The following CCSER1 variants were observed in gnomAD, a reference collection of about 807,000 sequenced individuals.
CCSER1 encodes the protein serine-rich coiled-coil domain-containing protein 1.
CCSER1 carries 41 observed loss-of-function variants against 82.0 expected under a neutral mutation model. The observed-to-expected ratio is 0.50, with a 90% CI of 0.39 to 0.65. The LOEUF (loss-of-function observed/expected upper bound fraction) is 0.65. Ranked by LOEUF, CCSER1 falls within the 30% of genes least tolerant of loss-of-function variation. The pLI is 0.00. For missense variants in CCSER1, 1,119 were observed against 1,064.2 expected, an observed-to-expected ratio of 1.05 and a Z score of -0.72; for synonymous variants, 414 against 383.9, an observed-to-expected ratio of 1.08 and a Z score of -0.92.
chr4:90,507,806 T>C (rs1349910067), intron 5 of CCSER1, among the ~76,000 whole-genome samples: 1 of 152,100 alleles, frequency 6.6e-6, no homozygotes, highest in Non-Finnish European at 1.5e-5. Flanking sequence ...TGAATTCTTT[T>C]TTAGTTGTGC....
intron 10 of CCSER1, among the ~76,000 whole-genome samples, chr4:91,556,053 G>A (rs1205041651): frequency 6.6e-6 from 1 of 151,218 alleles, no homozygotes; most frequent in Non-Finnish European, 1.5e-5. Context: ...ACTTAAATGA[G>A]TTAAGTAAAT....
At chr4:90,359,320 T>C (rs1162476267) in intron 3 of CCSER1, among the ~76,000 whole-genome samples, 1 of 152,192 alleles carries the variant, frequency 6.6e-6, no homozygotes, top group Non-Finnish European at 1.5e-5. Context: ...GAGTTATAAC[T>C]GTGTACTTTT....
chr4:90,883,362 T>C (rs1338872321), intron 8 of CCSER1, among the ~76,000 whole-genome samples: 1 of 152,054 alleles, frequency 6.6e-6, no homozygotes, highest in East Asian at 1.9e-4. Context: ...TTACTAAAAA[T>C]GGTACATTTA....
chr4:90,430,944 T>A (rs759354937), intron 4 of CCSER1, among the ~76,000 whole-genome samples: 3 of 151,940 alleles, frequency 2.0e-5, no homozygotes, highest in African/African-American at 7.2e-5. Context: ...ATTTTTAAAA[T>A]GAAGAACAGA....
intron 1 of CCSER1, among the ~76,000 whole-genome samples, chr4:90,212,944 T>G (rs950158092): frequency 1.3e-5 from 2 of 151,748 alleles, no homozygotes; most frequent in South Asian, 4.2e-4. Context: ...TGTAGCAGAG[T>G]GGTTAAGAGG....
At chr4:90,357,573 A>G (rs1220022565) in intron 3 of CCSER1, among the ~76,000 whole-genome samples, 1 of 152,020 alleles carries the variant, frequency 6.6e-6, no homozygotes, top group Non-Finnish European at 1.5e-5. Context: ...TTTAAAATTC[A>G]TGACTCTGAA....
intron 5 of CCSER1, among the ~76,000 whole-genome samples, chr4:90,538,920 C>A (rs1002074114): frequency 1.3e-5 from 2 of 151,782 alleles, no homozygotes; most frequent in African/African-American, 4.8e-5. Context: ...ACTTTGGCAT[C>A]TGATATTTTT....
At chr4:90,734,292 AT>A (rs1326164379) in intron 7 of CCSER1, among the ~76,000 whole-genome samples, 1 of 151,542 alleles carries the variant, frequency 6.6e-6, no homozygotes, top group Non-Finnish European at 1.5e-5. Context: ...CGCCCGGCTA[AT>A]TTTTTGTATT....
At chr4:90,356,591 C>A (rs1744412511) in intron 3 of CCSER1, among the ~76,000 whole-genome samples, 1 of 151,514 alleles carries the variant, frequency 6.6e-6, no homozygotes, top group Non-Finnish European at 1.5e-5. Context: ...TAATCCCTAC[C>A]TCATAGATAT....
At chr4:90,804,736 A>C (rs1249168340) in intron 7 of CCSER1, among the ~76,000 whole-genome samples, 2 of 152,212 alleles carry the variant, frequency 1.3e-5, no homozygotes, top group Non-Finnish European at 2.9e-5. Context: ...AAATACAGGC[A>C]AAATGCATTA....
chr4:90,301,441 A>G (rs765302653), intron 1 of CCSER1, among the ~76,000 whole-genome samples: 1 of 152,140 alleles, frequency 6.6e-6, no homozygotes, highest in African/African-American at 2.4e-5. Flanking sequence ...CTGTTTCTTC[A>G]GGTTGCCATT....
intron 4 of CCSER1, among the ~76,000 whole-genome samples, chr4:90,429,254 A>G (rs1757950776): frequency 6.6e-6 from 1 of 151,860 alleles, no homozygotes; most frequent in Admixed American, 6.6e-5. Flanking sequence ...TTGATGAAAA[A>G]AAGATGTAGC....
chr4:90,681,832 T>C (rs1215683746), intron 6 of CCSER1, among the ~76,000 whole-genome samples: 1 of 152,028 alleles, frequency 6.6e-6, no homozygotes, highest in Non-Finnish European at 1.5e-5. Context: ...TTATACAGTC[T>C]TCACAGAACT....
chr4:90,231,707 G>C (rs1409961592), intron 1 of CCSER1, among the ~76,000 whole-genome samples: 2 of 152,102 alleles, frequency 1.3e-5, no homozygotes, highest in African/African-American at 2.4e-5. Context: ...TGACATGATT[G>C]TATGTCTAGA....
intron 10 of CCSER1, among the ~76,000 whole-genome samples, chr4:91,204,553 A>AT (rs1451660822): frequency 6.6e-6 from 1 of 151,862 alleles, no homozygotes; most frequent in Non-Finnish European, 1.5e-5. Flanking sequence ...ACTCTGGCTA[A>AT]TTTCCTCTTA....
chr4:90,999,408 T>C (rs1486399745), intron 9 of CCSER1, among the ~76,000 whole-genome samples: 2 of 152,220 alleles, frequency 1.3e-5, no homozygotes, highest in Non-Finnish European at 2.9e-5. Flanking sequence ...TTTTTAGCTT[T>C]TTAATAATAG....
intron 10 of CCSER1, among the ~76,000 whole-genome samples, chr4:91,140,620 T>C (rs535868149): frequency 6.6e-6 from 1 of 152,272 alleles, no homozygotes; most frequent in African/African-American, 2.4e-5. Context: ...TGTACATTTC[T>C]CCTAGTAAAA....
At chr4:90,715,855 A>T (rs144165663) in intron 6 of CCSER1, among the ~76,000 whole-genome samples, 1 of 151,994 alleles carries the variant, frequency 6.6e-6, no homozygotes, top group Non-Finnish European at 1.5e-5. Context: ...ATCTCAAAAT[A>T]TATCTTATAG....
At chr4:90,720,062 A>G (rs1056958383) in intron 6 of CCSER1, among the ~76,000 whole-genome samples, 3 of 151,828 alleles carry the variant, frequency 2.0e-5, no homozygotes, top group Non-Finnish European at 4.4e-5. Flanking sequence ...TATGTTTTTT[A>G]TGTTGTTGTT....
Sources: allele counts gnomAD v4.1 joint callset (sites outside exome capture counted in the v4.1 genomes callset), GRCh38; gene constraint gnomAD v4.1.1; transcripts MANE v1.5; gene names NCBI Gene and HGNC (gene_info 2026-07-23, HGNC 2026-07-21).